LSAMP: variants seen among roughly 807,000 people sequenced by gnomAD.
LSAMP encodes the protein limbic system associated membrane protein, also known as limbic system-associated membrane protein.
LSAMP carries 7 observed loss-of-function variants against 38.6 expected under a neutral mutation model. The ratio of observed to expected loss-of-function variants is 0.18; its 90% CI spans 0.10 to 0.34. The LOEUF is 0.34. Ranked by LOEUF, LSAMP falls within the 10% of genes least tolerant of loss-of-function variation. The pLI, the probability that LSAMP is intolerant of heterozygous loss-of-function variation, is 1.00. For synonymous variants in LSAMP, 154 were observed against 166.8 expected (o/e 0.92, Z 0.59); for missense variants, 313 against 420.0 (o/e 0.75, Z 2.23).
At chr3:116,381,316 C>T (rs1405143581) in intron 1 of LSAMP, among the ~76,000 whole-genome samples, 2 of 151,970 alleles carry the variant, frequency 1.3e-5, no homozygotes, top group Admixed American at 1.3e-4. Flanking sequence ...TGCATATACA[C>T]GTATGTATTT....
At chr3:116,379,544 T>A (rs1168895888) in intron 1 of LSAMP, among the ~76,000 whole-genome samples, 1 of 152,064 alleles carries the variant, frequency 6.6e-6, no homozygotes, top group Non-Finnish European at 1.5e-5. Flanking sequence ...GGAAGTGACA[T>A]GATCTGACCT....
chr3:116,279,623 TTATTA>T (rs1339785271), intron 1 of LSAMP, among the ~76,000 whole-genome samples: 7 of 152,202 alleles, frequency 4.6e-5, no homozygotes, highest in African/African-American at 7.2e-5. Context: ...ATATTCTTGG[TTATTA>T]TATTTTATTG....
chr3:116,267,725 A>C (rs771975769), intron 1 of LSAMP, among the ~76,000 whole-genome samples: 2 of 151,962 alleles, frequency 1.3e-5, no homozygotes, highest in Non-Finnish European at 2.9e-5. Flanking sequence ...TAGACATATG[A>C]AAGGTACTCT....
intron 1 of LSAMP, among the ~76,000 whole-genome samples, chr3:116,117,124 G>A (rs999732157): frequency 1.3e-5 from 2 of 152,150 alleles, no homozygotes; most frequent in Non-Finnish European, 2.9e-5. Context: ...GACTTATATG[G>A]ACTATCACAG....
chr3:116,039,900 C>A (rs1448487607), intron 2 of LSAMP, among the ~76,000 whole-genome samples: 1 of 152,134 alleles, frequency 6.6e-6, no homozygotes, highest in African/African-American at 2.4e-5. Context: ...CTTTCAAAGT[C>A]CTCCTTTTTG....
At chr3:115,883,252 G>A (rs1381809637) in intron 3 of LSAMP, among the ~76,000 whole-genome samples, 1 of 151,992 alleles carries the variant, frequency 6.6e-6, no homozygotes, top group Non-Finnish European at 1.5e-5. Flanking sequence ...ACACATTTGG[G>A]TTAGAGAACA....
At chr3:116,190,088 G>GACACAC (rs3071108) in intron 1 of LSAMP, among the ~76,000 whole-genome samples, 2,454 of 142,732 alleles carry the variant, frequency 0.017, 63 homozygotes, top group African/African-American at 0.049. Context: ...TCCAGTAGTA[G>GACACAC]ACACACACAC....
chr3:116,283,089 G>C (rs1559812577), intron 1 of LSAMP, among the ~76,000 whole-genome samples: 1 of 151,890 alleles, frequency 6.6e-6, no homozygotes, highest in Non-Finnish European at 1.5e-5. Context: ...AGCTGTAACA[G>C]TAAGTAAGGT....
chr3:115,847,398 C>A (rs1306885152), intron 4 of LSAMP, among the ~76,000 whole-genome samples: 1 of 152,122 alleles, frequency 6.6e-6, no homozygotes, highest in African/African-American at 2.4e-5. Flanking sequence ...CATGTGCCAG[C>A]AATATTAAAC....
intron 2 of LSAMP, among the ~76,000 whole-genome samples, chr3:116,077,727 T>C (rs1707777859): frequency 6.6e-6 from 1 of 152,220 alleles, no homozygotes; most frequent in Non-Finnish European, 1.5e-5. Flanking sequence ...TGCTGCGTCA[T>C]GCCTTGTCTA....
At chr3:115,993,997 CT>C (rs1179495816) in intron 3 of LSAMP, among the ~76,000 whole-genome samples, 1 of 152,064 alleles carries the variant, frequency 6.6e-6, no homozygotes, top group Non-Finnish European at 1.5e-5. Context: ...AGTTCTAGAG[CT>C]TTTACATGGT....
intron 6 of LSAMP, among the ~76,000 whole-genome samples, chr3:115,835,345 CCATA>C (rs570778870): frequency 1.2e-3 from 176 of 152,170 alleles, no homozygotes; most frequent in African/African-American, 4.0e-3. Flanking sequence ...TCTGACAGTC[CCATA>C]CATAAGCTAC....
At chr3:115,857,024 C>A (rs1002164555) in intron 3 of LSAMP, among the ~76,000 whole-genome samples, 15 of 152,286 alleles carry the variant, frequency 9.8e-5, no homozygotes, top group African/African-American at 3.4e-4. Flanking sequence ...TAATAGAGTT[C>A]TCTTTTACTG....
At position 116,201,199 on chromosome 3, in the gene LSAMP, A is replaced by G. The variant is rs147459847; in HGVS notation, c.156-114643T>C. On this transcript the variant is annotated intron_variant, in intron 1 of 6. Transcript: ENST00000490035. ...TTTTCATTTGCATGCATTGGCTCCT[A>G]GCATGTGCCCATGTGCCCAGACTGT... Among the ~76,000 whole-genome samples the G allele has an allele frequency of 6.7e-3, 1,015 of 152,214 alleles. 15 individuals carry two copies. The highest frequency in any genetic ancestry group is 0.023 in the African/African-American group (962 of 41,526).
intron 1 of LSAMP, among the ~76,000 whole-genome samples, chr3:116,111,433 C>T (rs557174246): frequency 2.1e-4 from 32 of 152,318 alleles, no homozygotes; most frequent in African/African-American, 6.7e-4. Flanking sequence ...TTCACTGAGA[C>T]ATGAGTTAAT....
chr3:116,034,662 T>G (rs750753164), intron 2 of LSAMP, among the ~76,000 whole-genome samples: 1 of 152,184 alleles, frequency 6.6e-6, no homozygotes, highest in African/African-American at 2.4e-5. Context: ...AGCCTTTTGC[T>G]AATGCTTTTT....
rs574631032 is a variant in LSAMP at position 115,894,013 on chromosome 3, C to A, written c.515-41396G>T. Among the ~76,000 whole-genome samples, 3 of 152,108 alleles carry A rather than the reference C, an allele frequency of 2.0e-5. No homozygotes were observed. In the East Asian group the frequency reaches 5.8e-4, roughly 29 times the overall value. On this transcript the variant is annotated intron_variant, in intron 3 of 6. Transcript: ENST00000490035. ...CCCCTCCTGTGTCACACAGGTCAAA[C>A]CTCCTTTTCATGTCTGCTTTCTCCC...
chr3:116,141,264 C>T lies in LSAMP; in HGVS notation c.156-54708G>A, dbSNP rs959854972. Among the ~76,000 whole-genome samples the T allele has an allele frequency of 2.0e-5, 3 of 151,836 alleles. No homozygotes were observed. The East Asian group carries it at 5.8e-4, about 29-fold the overall frequency. ...TATAAATAGTGTTCTCTGCATTGCA[C>T]CTCATACATCTGTGATCTACTGCCT... is the stretch of plus-strand genomic sequence containing the variant. On this transcript the variant is annotated intron_variant, in intron 1 of 6. Transcript: ENST00000490035.
intron 3 of LSAMP, among the ~76,000 whole-genome samples, chr3:115,883,900 A>T (rs977727789): frequency 2.6e-5 from 4 of 152,168 alleles, no homozygotes; most frequent in Non-Finnish European, 5.9e-5. Flanking sequence ...AATAGAAAAA[A>T]ATGAAAGACA....
Sources: allele counts gnomAD v4.1 joint callset (sites outside exome capture counted in the v4.1 genomes callset), GRCh38; gene constraint gnomAD v4.1.1; transcripts MANE v1.5; gene names NCBI Gene and HGNC (gene_info 2026-07-23, HGNC 2026-07-21).